FAM131C: variants seen among roughly 807,000 people sequenced by gnomAD.
FAM131C encodes the protein protein FAM131C.
A neutral mutation model predicts 29.8 loss-of-function variants in FAM131C; 14 were observed. That is an observed-to-expected ratio of 0.47 (90% CI 0.31 to 0.73). FAM131C has a LOEUF of 0.73. FAM131C is among the 30% of genes least tolerant of loss of function. The probability of loss-of-function intolerance (pLI) is 0.05; values close to 1 mark genes in which losing one functional copy is unlikely to be tolerated. For missense variants in FAM131C, 252 were observed against 383.8 expected (o/e 0.66, Z 2.87); for synonymous variants, 86 against 157.8 (o/e 0.54, Z 3.41).
intron 3 of FAM131C, 105 bp downstream of exon 3, chr1:16,062,394 C>CA (rs1491483257): frequency 8.5e-7 from 1 of 1,172,026 alleles, no homozygotes; most frequent in Non-Finnish European, 1.1e-6. Flanking sequence ...CCCCCCCCCC[C>CA]GCCCCAGGGC....
In FAM131C at chr1:16,058,520, C is replaced by G. The variant is rs1364072891; in HGVS notation, c.760G>C (p.Glu254Gln). 6.6e-7 allele frequency: 1 copy of G among 1,519,966 alleles called. No individual in the cohort carries two copies. Among genetic ancestry groups the G allele is most frequent in the Non-Finnish European group, 8.8e-7 (1 of 1,134,782 alleles). The allele number at this position is 1,519,966 out of a possible 1,614,324, so 94.2% of individuals were successfully genotyped here. Reference protein sequence around the residue: ...RRRLPGAQGPEGGTHPPGSLP... With the variant: ...RRRLPGAQGPQGGTHPPGSLP... Reference sequence around the variant, plus strand: ...GAGCCCGGGGGGTGGGTCCCACCCTCGGGTCCTTGGGCCCCGGGCAGCCGC... The same window carrying G: ...GAGCCCGGGGGGTGGGTCCCACCCTGGGGTCCTTGGGCCCCGGGCAGCCGC... Residue 254 changes from glutamate (E) to glutamine (Q), a missense_variant, in exon 7 of 7, where the codon GAG becomes CAG. Glu to Gln is a conservative substitution (Grantham distance 29). This residue lies in a region of FAM131C where 42 missense variants were observed against 51.7 expected (regional missense o/e 0.81). Coordinates refer to ENST00000375662, the MANE Select transcript of FAM131C (RefSeq NM_182623.3).
Position 16,062,148 on chromosome 1 carries a change from G to A in FAM131C, c.219C>T (p.Ser73=), listed in dbSNP as rs1269990474. The change falls in exon 4 of 7, where the codon TCC becomes TCT. Residue 73 remains serine, a synonymous_variant. Transcript: ENST00000375662. ...TTNGYLSDSR[S]RPGNYNVAAL... ...CTGCCACGTTGTAGTTGCCGGGGCG[G>A]GATCTGGAGTCGGACAGGTAGCCGT... 1.2e-6 allele frequency: 2 copies of A among 1,611,862 alleles called. No homozygotes were observed. The highest frequency in any genetic ancestry group is 1.7e-6 in the Non-Finnish European group (2 of 1,179,522).
chr1:16,062,713 AG>A (rs925377026), intron 2 of FAM131C, among the ~76,000 whole-genome samples, 179 bp from the exon 3 acceptor site: 1 of 134,606 alleles, frequency 7.4e-6, no homozygotes, highest in Non-Finnish European at 1.7e-5. Context: ...AGGAAGAAGG[AG>A]GGGGCAACAG....
intron 3 of FAM131C, 119 bp downstream of exon 3, chr1:16,062,380 G>C (rs1394937670): frequency 1.4e-4 from 120 of 860,160 alleles, no homozygotes; most frequent in South Asian, 3.7e-4. Flanking sequence ...GTTTCATCAG[G>C]CCCCCCCCCC....
chr1:16,065,139 C>G (rs1173921356), intron 1 of FAM131C, among the ~76,000 whole-genome samples: 1 of 152,188 alleles, frequency 6.6e-6, no homozygotes, highest in Non-Finnish European at 1.5e-5. Context: ...TCCAGCTCTC[C>G]ACATGGATGC....
intron 3 of FAM131C, 119 bp downstream of exon 3, chr1:16,062,380 G>GCCCCCCCCCCCC (rs34673312): frequency 2.6e-4 from 221 of 860,050 alleles, no homozygotes; most frequent in African/African-American, 3.3e-4. Flanking sequence ...GTTTCATCAG[G>GCCCCCCCCCCCC]CCCCCCCCCC....
At chr1:16,070,127 C>T (rs1241149998) in intron 1 of FAM131C, among the ~76,000 whole-genome samples, 2 of 152,124 alleles carry the variant, frequency 1.3e-5, no homozygotes, top group Non-Finnish European at 2.9e-5. Flanking sequence ...GTCACATTGA[C>T]CTGGATTCAA....
chr1:16,069,522 C>T (rs1281712811), intron 1 of FAM131C, among the ~76,000 whole-genome samples: 1 of 152,212 alleles, frequency 6.6e-6, no homozygotes, highest in Non-Finnish European at 1.5e-5. Context: ...TTGGATACCC[C>T]CAAGGTGGGG....
chr1:16,062,679 G>A, intron 2 of FAM131C, 145 bp from the exon 3 acceptor site: 4 of 1,368,314 alleles, frequency 2.9e-6, no homozygotes, highest in Non-Finnish European at 3.9e-6. Flanking sequence ...CATGGGTCAT[G>A]CTCTGGTGTC....
At chr1:16,070,133 T>C (rs1029039375) in intron 1 of FAM131C, among the ~76,000 whole-genome samples, 1 of 152,132 alleles carries the variant, frequency 6.6e-6, no homozygotes, top group Admixed American at 6.5e-5. Flanking sequence ...TTGACCTGGA[T>C]TCAAGTCCTG....
intron 1 of FAM131C, among the ~76,000 whole-genome samples, chr1:16,072,689 C>T (rs1377706480): frequency 3.9e-5 from 6 of 152,140 alleles, no homozygotes; most frequent in African/African-American, 1.4e-4. Context: ...GTCCCCTCCT[C>T]ACAGATAGAA....
rs1486897484 is a variant in FAM131C at position 16,058,470 on chromosome 1, G to A, written c.810C>T (p.Ser270=). The part of the protein sequence containing the change: ...PGSLPSMDSG[S]LWEEDEVFYN ...AGAACACCTCGTCCTCCTCCCAGAG[G>A]GAGCCGCTGTCCATGGAGGGGAGGG... Residue 270 remains serine (S), a synonymous_variant, in exon 7 of 7, where the codon TCC becomes TCT. Transcript: ENST00000375662. 2.7e-6 allele frequency: 4 copies of A among 1,483,782 alleles called. No individual in the cohort carries two copies. Among genetic ancestry groups the A allele is most frequent in the African/African-American group, 2.8e-5 (2 of 70,978 alleles). The allele number at this position is 1,483,782 out of a possible 1,614,324, so 91.9% of individuals were successfully genotyped here.
At chr1:16,068,500 G>T (rs116256601) in intron 1 of FAM131C, among the ~76,000 whole-genome samples, 1 of 152,232 alleles carries the variant, frequency 6.6e-6, no homozygotes, top group Non-Finnish European at 1.5e-5. Flanking sequence ...TGGAGGCTCC[G>T]CAGAGGGAAG....
At chr1:16,070,638 T>C (rs1050512201) in intron 1 of FAM131C, among the ~76,000 whole-genome samples, 3 of 152,156 alleles carry the variant, frequency 2.0e-5, no homozygotes, top group African/African-American at 4.8e-5. Flanking sequence ...TTATAATATA[T>C]ACAATATTAA....
chr1:16,061,565 G>C (rs924359481), intron 4 of FAM131C, among the ~76,000 whole-genome samples: 3 of 152,152 alleles, frequency 2.0e-5, no homozygotes, highest in Non-Finnish European at 4.4e-5. Context: ...AGTCAGCAAT[G>C]GGGGAATATA....
At chr1:16,059,443 G>A (rs766013954) in intron 6 of FAM131C, 51 bp downstream of exon 6, 4 of 1,586,730 alleles carry the variant, frequency 2.5e-6, no homozygotes, top group Non-Finnish European at 2.6e-6. Context: ...CAGCCATCCA[G>A]AATCAGCTCC....
intron 6 of FAM131C, among the ~76,000 whole-genome samples, 153 bp from the exon 7 acceptor site, chr1:16,058,870 C>T (rs2124121988): frequency 6.6e-6 from 1 of 152,276 alleles, no homozygotes; most frequent in East Asian, 1.9e-4. Context: ...GTCACCAAAA[C>T]TCTGAGCCCC....
chr1:16,065,178 A>T (rs1302481233), intron 1 of FAM131C, among the ~76,000 whole-genome samples: 4 of 151,870 alleles, frequency 2.6e-5, no homozygotes, highest in African/African-American at 9.7e-5. Context: ...ACACCTGGGC[A>T]AAAGAGGATT....
intron 1 of FAM131C, among the ~76,000 whole-genome samples, chr1:16,064,873 T>C (rs1364264556): frequency 1.3e-5 from 2 of 152,214 alleles, no homozygotes; most frequent in African/African-American, 2.4e-5. Context: ...TCCAGCCTCT[T>C]CTTGGAGCTG....
Sources: allele counts gnomAD v4.1 joint callset (sites outside exome capture counted in the v4.1 genomes callset), GRCh38; gene constraint gnomAD v4.1.1; regional missense constraint gnomAD v4.1.1; transcripts MANE v1.5; gene names NCBI Gene and HGNC (gene_info 2026-07-23, HGNC 2026-07-21).